Variants in RPS6KA6 observed in about 807,000 individuals in gnomAD.
RPS6KA6 encodes the protein ribosomal protein S6 kinase A6.
In RPS6KA6, 27 loss-of-function variants were observed where a neutral mutation model predicts 65.4. That is an observed-to-expected ratio of 0.41 (90% confidence interval 0.30 to 0.57). The LOEUF is 0.57. Among genes scored for constraint, RPS6KA6 ranks in the 20% least tolerant of loss-of-function variants. The probability of loss-of-function intolerance (pLI) is 0.24; values close to 1 mark genes in which losing one functional copy is unlikely to be tolerated. For synonymous variants in RPS6KA6, 190 were observed against 184.2 expected, an observed-to-expected ratio of 1.03 and a Z score of -0.26; for missense variants, 486 against 555.6, an observed-to-expected ratio of 0.87 and a Z score of 1.26.
intron 14 of RPS6KA6, among the ~76,000 whole-genome samples, 191 bp from the exon 15 acceptor site, chrX:84,106,678 A>G (rs2034364482): frequency 9.0e-6 from 1 of 111,469 alleles, no homozygotes; most frequent in South Asian, 3.7e-4. Flanking sequence ...TAAAGCAACT[A>G]GCTTATACAT....
chrX:84,147,081 A>G (rs1442558384), intron 4 of RPS6KA6, 23 bp from the exon 5 acceptor site: 2 of 877,582 alleles, frequency 2.3e-6, no homozygotes, highest in Non-Finnish European at 3.3e-6. Flanking sequence ...TAAAGGTACA[A>G]TATATTGCTC....
At chrX:84,073,358 C>A (rs896964489) in intron 20 of RPS6KA6, among the ~76,000 whole-genome samples, 12 of 111,454 alleles carry the variant, frequency 1.1e-4, no homozygotes, top group Non-Finnish European at 2.3e-4. Flanking sequence ...ACATCTCTTA[C>A]CATATATAAA....
At position 84,146,962 on chromosome X, in the gene RPS6KA6, A is replaced by C; in HGVS notation, c.421+16T>G. 1 of 962,518 alleles carries C rather than the reference A, an allele frequency of 1.0e-6. No homozygotes were observed. Among genetic ancestry groups the C allele is most frequent in the Admixed American group, 2.7e-5 (1 of 37,068 alleles). 79.3% of individuals were successfully genotyped at this position (962,518 alleles called of 1,213,427 possible). ...AAGGATTAAAATAAATAAAAGAATA[A>C]AAAAAGATTACATACCATAGTGCAA... On this transcript the variant is annotated intron_variant, in intron 5 of 21. Coordinates refer to ENST00000262752, the MANE Select transcript of RPS6KA6 (RefSeq NM_014496.5).
intron 1 of RPS6KA6, among the ~76,000 whole-genome samples, chrX:84,185,094 TCCCATCTCAA>T (rs1263585858): frequency 9.0e-6 from 1 of 111,143 alleles, no homozygotes; most frequent in Admixed American, 9.6e-5. Context: ...CCAATACCCA[TCCCATCTCAA>T]GTAAAACCTC....
chrX:84,177,448 C>A (rs1196601356), intron 1 of RPS6KA6, among the ~76,000 whole-genome samples: 2 of 111,676 alleles, frequency 1.8e-5, no homozygotes, highest in Non-Finnish European at 3.8e-5. Flanking sequence ...TGTCCAAGGT[C>A]ACACAGTAAA....
intron 9 of RPS6KA6, among the ~76,000 whole-genome samples, chrX:84,118,826 T>C (rs938793872): frequency 9.0e-6 from 1 of 111,659 alleles, no homozygotes; most frequent in African/African-American, 3.3e-5. Context: ...ACAAGGCTAA[T>C]CCTCCTAAAA....
chrX:84,157,873 T>G (rs1326843407), intron 2 of RPS6KA6, among the ~76,000 whole-genome samples: 1 of 110,173 alleles, frequency 9.1e-6, no homozygotes, highest in Non-Finnish European at 1.9e-5. Context: ...CTTTTAACTT[T>G]TATTAATAAT....
intron 4 of RPS6KA6, 98 bp from the exon 5 acceptor site, chrX:84,147,156 A>C: frequency 2.0e-6 from 1 of 511,004 alleles, no homozygotes. Flanking sequence ...AAAATACAAA[A>C]CGTAACTTCC....
intron 20 of RPS6KA6, among the ~76,000 whole-genome samples, chrX:84,066,570 T>A (rs1281083576): frequency 3.6e-5 from 4 of 110,900 alleles, no homozygotes; most frequent in Admixed American, 9.6e-5. Flanking sequence ...TCTAGATTCC[T>A]TCTCTCTGGG....
rs773756932 is a variant in RPS6KA6 at position 84,127,391 on chromosome X, TA to T, written c.647-7365del. ...TCAGTGCTACACTCCTCCAAACATTTAAAGAAGAATTAATACCAATCCTGTT... is the reference window on the plus strand; with the variant it reads ...TCAGTGCTACACTCCTCCAAACATTTAAGAAGAATTAATACCAATCCTGTT... On this transcript the variant is annotated intron_variant, in intron 8 of 21. Coordinates refer to ENST00000262752, the MANE Select transcript of RPS6KA6 (RefSeq NM_014496.5). Among the ~76,000 whole-genome samples the T allele has an allele frequency of 1.4e-4, 15 of 110,958 alleles. No individual in the cohort carries two copies. In the East Asian group the frequency reaches 4.3e-3, roughly 32 times the overall value.
At chrX:84,152,384 T>G (rs991954616) in intron 3 of RPS6KA6, among the ~76,000 whole-genome samples, 1 of 110,945 alleles carries the variant, frequency 9.0e-6, no homozygotes, top group African/African-American at 3.3e-5. Context: ...TATAATGTCC[T>G]TCTTTGTCAT....
In RPS6KA6 at chrX:84,156,111, C is replaced by A. The variant is rs1293553532; in HGVS notation, c.222G>T (p.Glu74Asp). 1 of 1,197,911 alleles carries A rather than the reference C, an allele frequency of 8.3e-7. No individual in the cohort carries two copies. Among genetic ancestry groups the A allele is most frequent in the African/African-American group, 1.8e-5 (1 of 56,919 alleles). The change falls in exon 3 of 22, where the codon GAG becomes GAT. Residue 74 changes from glutamate (E) to aspartate (D), a missense_variant. Physicochemically the swap from Glu to Asp is conservative, Grantham distance 45. Around this residue, in one of 3 missense-constraint regions of RPS6KA6, gnomAD observed 106 missense variants for 105.0 expected, o/e 1.01. Coordinates refer to ENST00000262752, the MANE Select transcript of RPS6KA6 (RefSeq NM_014496.5). ...GYEKADPAQFELLKVLGQGSF... is the reference protein window; with the variant it reads ...GYEKADPAQFDLLKVLGQGSF... Reference sequence around the variant, plus strand: ...ACCCCTGACCAAGAACCTTGAGCAACTCAAACTGTGCAGGATCTGCTTTCT... The same window carrying A: ...ACCCCTGACCAAGAACCTTGAGCAAATCAAACTGTGCAGGATCTGCTTTCT...
At chrX:84,104,766 T>A in intron 16 of RPS6KA6, 109 bp from the exon 17 acceptor site, 1 of 493,328 alleles carries the variant, frequency 2.0e-6, no homozygotes, top group Non-Finnish European at 3.0e-6. Context: ...CCTCTAGTAT[T>A]AGAAACAAAA....
chrX:84,135,866 GGCT>G (rs1362953636), intron 6 of RPS6KA6, among the ~76,000 whole-genome samples: 5 of 111,245 alleles, frequency 4.5e-5, no homozygotes, highest in Non-Finnish European at 9.5e-5. Context: ...CTGGAAATAC[GGCT>G]GCTATGATGA....
intron 20 of RPS6KA6, among the ~76,000 whole-genome samples, chrX:84,090,221 C>T (rs1272385841): frequency 8.9e-6 from 1 of 111,846 alleles, no homozygotes; most frequent in African/African-American, 3.3e-5. Context: ...ACTTCAGCAA[C>T]ACCTGCTCTG....
At chrX:84,106,857 T>A in intron 14 of RPS6KA6, 53 bp downstream of exon 14, 1 of 980,284 alleles carries the variant, frequency 1.0e-6, no homozygotes, top group Non-Finnish European at 1.4e-6. Flanking sequence ...ACATCAGCAA[T>A]AACAGAGAAA....
rs2035952919 is a variant in RPS6KA6 at position 84,188,155 on chromosome X, C to T, written c.-256G>A. Among the ~76,000 whole-genome samples, 1 of 111,254 alleles carries T rather than the reference C, an allele frequency of 9.0e-6. No individual in the cohort carries two copies. Among genetic ancestry groups the T allele is most frequent in the African/African-American group, 3.3e-5 (1 of 30,588 alleles). ...CCTCTCCAAGAGCTGCCGCTCGGCT[C>T]GCGCTCACCACTGCCACCACAACGA... On this transcript the variant is annotated 5_prime_UTR_variant, in exon 1 of 22. Transcript: ENST00000262752.
rs1265167735 is a variant in RPS6KA6 at position 84,059,183 on chromosome X, T to G, written c.*5094A>C. 1.1e-5 allele frequency: 1 copy of G among 88,339 alleles called. No individual in the cohort carries two copies. The highest frequency in any genetic ancestry group is 1.5e-4 in the Admixed American group (1 of 6,525). 7.3% of individuals were successfully genotyped at this position (88,339 alleles called of 1,213,427 possible). ...TTCGCTCTTGTTGCCCAGGCTGGAG[T>G]GAAATTGGCACAATCTCGGCTCACC... On this transcript the variant is annotated 3_prime_UTR_variant, in exon 22 of 22. Transcript: ENST00000262752.
chrX:84,065,170 A>G, intron 20 of RPS6KA6, 59 bp from the exon 21 acceptor site: 1 of 857,940 alleles, frequency 1.2e-6, no homozygotes, highest in Non-Finnish European at 1.6e-6. Flanking sequence ...ATAATTTTAC[A>G]TTTGCTGAAA....
Sources: gnomAD v4.1 joint callset for allele counts (sites outside exome capture counted in the v4.1 genomes callset) on GRCh38, gnomAD v4.1.1 for gene constraint, gnomAD v4.1.1 regional missense constraint, MANE v1.5 for transcripts, NCBI Gene and HGNC (gene_info 2026-07-23, HGNC 2026-07-21) for gene names.